RPS6KA2: variants seen among roughly 807,000 people sequenced by gnomAD.
RPS6KA2 encodes the protein ribosomal protein S6 kinase alpha-2.
In RPS6KA2, 42 loss-of-function variants were observed where a neutral mutation model predicts 91.8. That is an observed-to-expected ratio of 0.46 (90% CI 0.36 to 0.59). The LOEUF (loss-of-function observed/expected upper bound fraction) is 0.59. Ranked by LOEUF, RPS6KA2 falls within the 20% of genes least tolerant of loss-of-function variation. RPS6KA2 has a pLI of 0.00. For synonymous variants in RPS6KA2, 414 were observed against 393.6 expected (o/e 1.05, Z -0.61); for missense variants, 798 against 978.5 (o/e 0.82, Z 2.46).
chr6:166,603,131 C>T lies in RPS6KA2; in HGVS notation c.99+23790G>A, dbSNP rs1785810472. Among the ~76,000 whole-genome samples the T allele has an allele frequency of 6.6e-6, 1 of 152,192 alleles. No homozygotes were observed. Among genetic ancestry groups the T allele is most frequent in the Admixed American group, 6.5e-5 (1 of 15,274 alleles). On this transcript the variant is annotated intron_variant, in intron 1 of 20. Coordinates refer to ENST00000265678, the MANE Select transcript of RPS6KA2 (RefSeq NM_021135.6). The surrounding 1 kb of genome is among the most constrained non-coding windows in gnomAD (Gnocchi z 4.3). ...GTTAAGTGTTAAGTTCTGACATGAG[C>T]TTAGTCTAAAAGGGATCTGGGCGGG...
At chr6:166,702,099 TC>T (rs779994415) in intron 2 of RPS6KA2, 134 of 1,461,742 alleles carry the variant, frequency 9.2e-5, no homozygotes, top group Non-Finnish European at 1.2e-4. Flanking sequence ...AGGATAGTAA[TC>T]GACTTCTCAG....
intron 2 of RPS6KA2, among the ~76,000 whole-genome samples, chr6:166,671,124 T>C (rs1168404407): frequency 6.6e-6 from 1 of 152,208 alleles, no homozygotes; most frequent in African/African-American, 2.4e-5. Context: ...CAACATGTTA[T>C]TTAAATGCAA....
rs540578461 is a variant in RPS6KA2, at chr6:166,513,094, C to CA, written c.299-2738dup. On this transcript the variant is annotated intron_variant, in intron 3 of 20. Transcript: ENST00000265678. ...ATAGCTGATGAGCTTCAAAACATCA[C>CA]AAAAAATCTCATAATCGTTTAAGAA... is the stretch of plus-strand genomic sequence containing the variant. Among the ~76,000 whole-genome samples the CA allele has an allele frequency of 5.3e-5, 8 of 152,264 alleles. No individual in the cohort carries two copies. The South Asian group carries it at 1.0e-3, about 20-fold the overall frequency.
chr6:166,510,211 A>T, intron 4 of RPS6KA2, 66 bp downstream of exon 4: 2 of 994,392 alleles, frequency 2.0e-6, no homozygotes, highest in South Asian at 1.4e-5. Flanking sequence ...TTTCTTTTTC[A>T]ATTTTCTTTG....
At chr6:166,607,222 G>T (rs1231549332) in intron 1 of RPS6KA2, among the ~76,000 whole-genome samples, 2 of 148,464 alleles carry the variant, frequency 1.3e-5, no homozygotes, top group Non-Finnish European at 3.0e-5. Flanking sequence ...AAATGGTCTA[G>T]AAGTTCCTCA....
chr6:166,670,268 T>C (rs1788435176), intron 2 of RPS6KA2, among the ~76,000 whole-genome samples: 1 of 152,218 alleles, frequency 6.6e-6, no homozygotes, highest in South Asian at 2.1e-4. Context: ...GTCCATGTGG[T>C]GAGGCTGTAA....
chr6:166,814,179 C>CA (rs947026768), intron 2 of RPS6KA2, among the ~76,000 whole-genome samples: 43 of 151,998 alleles, frequency 2.8e-4, no homozygotes, highest in Non-Finnish European at 5.1e-4. Flanking sequence ...TAGTATGTTT[C>CA]AAAAAAATTG....
intron 19 of RPS6KA2, among the ~76,000 whole-genome samples, chr6:166,417,740 AAAT>A (rs1778586600): frequency 6.6e-6 from 1 of 152,130 alleles, no homozygotes; most frequent in African/African-American, 2.4e-5. Flanking sequence ...ATGTTTTTGA[AAAT>A]AATGTTTTTA....
At position 166,453,722 on chromosome 6, in the gene RPS6KA2, T is replaced by G. The variant is rs146245787; in HGVS notation, c.1076-2489A>C. Reference sequence around the variant, plus strand: ...TGGGCATTGCCCAAAGGAAAAGAAATCGTTGTCTCAAAAAGATACCCGCAC... The same window carrying G: ...TGGGCATTGCCCAAAGGAAAAGAAAGCGTTGTCTCAAAAAGATACCCGCAC... On this transcript the variant is annotated intron_variant, in intron 12 of 20. Coordinates refer to ENST00000265678, the MANE Select transcript of RPS6KA2 (RefSeq NM_021135.6). Among the ~76,000 whole-genome samples the G allele has an allele frequency of 2.6e-3, 400 of 152,294 alleles. 3 individuals carry two copies. The highest frequency in any genetic ancestry group is 3.6e-3 in the Non-Finnish European group (248 of 68,032).
chr6:166,617,599 A>T lies in RPS6KA2; in HGVS notation c.99+9322T>A, dbSNP rs1377017732. Among the ~76,000 whole-genome samples, 5 of 152,252 alleles carry T rather than the reference A, an allele frequency of 3.3e-5. No homozygotes were observed. The South Asian group carries it at 8.3e-4, about 25-fold the overall frequency. On this transcript the variant is annotated intron_variant, in intron 1 of 20. Transcript: ENST00000265678. ...GACGGTTTTAATGACCTCCTCCTCC[A>T]TTGGCGTCAGGTAAGCACCACTTTT...
chr6:166,496,762 G>A (rs1401378054), intron 8 of RPS6KA2, among the ~76,000 whole-genome samples: 1 of 152,218 alleles, frequency 6.6e-6, no homozygotes, highest in African/African-American at 2.4e-5. Context: ...CTTTCAGGGA[G>A]CCTGGATGTG....
chr6:166,789,244 C>G (rs551305005), intron 2 of RPS6KA2, among the ~76,000 whole-genome samples: 17 of 152,220 alleles, frequency 1.1e-4, no homozygotes, highest in African/African-American at 3.6e-4. Flanking sequence ...CCTACGCCCA[C>G]GGAGTCTCGC....
At chr6:166,814,259 A>T (rs1779707986) in intron 2 of RPS6KA2, among the ~76,000 whole-genome samples, 1 of 152,244 alleles carries the variant, frequency 6.6e-6, no homozygotes, top group Non-Finnish European at 1.5e-5. Context: ...AATAACAAAG[A>T]CAAAATATTT....
At position 166,618,853 on chromosome 6, in the gene RPS6KA2, C is replaced by T. The variant is rs567637188; in HGVS notation, c.99+8068G>A. 1.1e-3 allele frequency among the ~76,000 whole-genome samples: 168 copies of T among 152,336 alleles called. 1 individual carries two copies. The highest frequency in any genetic ancestry group is 5.4e-4 in the Non-Finnish European group (37 of 68,034). Reference sequence around the variant, plus strand: ...CATGAGCCTTGACACCGCAGTACGACGCGCTCAGGAAGACATCAGGACAGA... The same window carrying T: ...CATGAGCCTTGACACCGCAGTACGATGCGCTCAGGAAGACATCAGGACAGA... On this transcript the variant is annotated intron_variant, in intron 1 of 20. Coordinates refer to ENST00000265678, the MANE Select transcript of RPS6KA2 (RefSeq NM_021135.6).
intron 2 of RPS6KA2, among the ~76,000 whole-genome samples, chr6:166,741,061 G>A (rs79005570): frequency 0.019 from 2,837 of 152,346 alleles, 80 homozygotes; most frequent in African/African-American, 0.063. Flanking sequence ...GGTAATGCAG[G>A]CGCTCATCCA....
rs1405195584 is a variant in RPS6KA2 at position 166,737,978 on chromosome 6, G to A, written c.123+120222C>T. Reference sequence around the variant, plus strand: ...GCTCAGAGAGAATCCTTTTAATATTGTTTACATCCTCCTAGAATTTATATG... The same window carrying A: ...GCTCAGAGAGAATCCTTTTAATATTATTTACATCCTCCTAGAATTTATATG... On this transcript the variant is annotated intron_variant, in intron 2 of 21. Transcript: ENST00000503859. The surrounding 1 kb of genome is among the most constrained non-coding windows in gnomAD (Gnocchi z 4.3). Among the ~76,000 whole-genome samples, 2 of 152,060 alleles carry A rather than the reference G, an allele frequency of 1.3e-5. No homozygotes were observed. Among genetic ancestry groups the A allele is most frequent in the African/African-American group, 2.4e-5 (1 of 41,420 alleles).
intron 1 of RPS6KA2, among the ~76,000 whole-genome samples, chr6:166,592,613 G>A (rs1785390282): frequency 6.6e-6 from 1 of 152,090 alleles, no homozygotes; most frequent in South Asian, 2.1e-4. Context: ...ATCAGGCCCG[G>A]ATTGATGAGA....
At chr6:166,475,404 A>T (rs1780934580) in intron 10 of RPS6KA2, among the ~76,000 whole-genome samples, 1 of 152,138 alleles carries the variant, frequency 6.6e-6, no homozygotes, top group Non-Finnish European at 1.5e-5. Context: ...GGGACATTGC[A>T]GAGTCACACG....
chr6:166,586,255 T>G, intron 1 of RPS6KA2: 1 of 1,596,482 alleles, frequency 6.3e-7, no homozygotes, highest in Non-Finnish European at 8.5e-7. Context: ...CGATTGTCAC[T>G]TGGCCACCCC....
Sources: gnomAD v4.1 joint callset for allele counts (sites outside exome capture counted in the v4.1 genomes callset) on GRCh38, gnomAD v4.1.1 for gene constraint, Gnocchi (gnomAD v3.1) non-coding constraint, MANE v1.5 for transcripts, NCBI Gene and HGNC (gene_info 2026-07-23, HGNC 2026-07-21) for gene names.